The following CNTNAP2 variants were observed in gnomAD, a reference collection of about 807,000 sequenced individuals.
The protein encoded by CNTNAP2 is contactin-associated protein-like 2.
A neutral mutation model predicts 155.2 loss-of-function variants in CNTNAP2; 98 were observed. That is an observed-to-expected ratio of 0.63 (90% CI 0.54 to 0.75). CNTNAP2 has a LOEUF of 0.75. Among genes scored for constraint, CNTNAP2 ranks in the 30% least tolerant of loss-of-function variants. The probability of loss-of-function intolerance (pLI) is 0.00; values close to 1 mark genes in which losing one functional copy is unlikely to be tolerated. For synonymous variants in CNTNAP2, 651 were observed against 631.2 expected, an observed-to-expected ratio of 1.03 and a Z score of -0.47; for missense variants, 1,727 against 1,688.1, an observed-to-expected ratio of 1.02 and a Z score of -0.40.
chr7:147,312,168 T>A (rs1036110922), intron 9 of CNTNAP2, among the ~76,000 whole-genome samples: 4 of 152,116 alleles, frequency 2.6e-5, no homozygotes, highest in Admixed American at 6.6e-5. Context: ...TTTCTCTTTC[T>A]ACTTTGGGTT....
intron 1 of CNTNAP2, among the ~76,000 whole-genome samples, chr7:146,592,062 A>G (rs1798791053): frequency 6.6e-6 from 1 of 152,158 alleles, no homozygotes; most frequent in Non-Finnish European, 1.5e-5. Flanking sequence ...TCAGCTCCTG[A>G]GCCTAGGATG....
chr7:148,161,279 G>A (rs1003580322), intron 17 of CNTNAP2, among the ~76,000 whole-genome samples: 4 of 152,124 alleles, frequency 2.6e-5, no homozygotes, highest in African/African-American at 9.7e-5. Context: ...TGTCTTCAGC[G>A]CTGCTTCTTG....
chr7:147,445,904 C>G (rs1187766568), intron 10 of CNTNAP2, among the ~76,000 whole-genome samples: 1 of 151,970 alleles, frequency 6.6e-6, no homozygotes, highest in African/African-American at 2.4e-5. Flanking sequence ...AAGTGATCAT[C>G]CTGGCTCAGC....
intron 11 of CNTNAP2, among the ~76,000 whole-genome samples, chr7:147,493,472 A>G (rs1252723421): frequency 6.6e-6 from 1 of 152,160 alleles, no homozygotes; most frequent in Non-Finnish European, 1.5e-5. Flanking sequence ...ACAGGACACT[A>G]AGGACCCATA....
rs368123228 is a variant in CNTNAP2, at chr7:146,868,504, A to G, written c.402+28600A>G. On this transcript the variant is annotated intron_variant, in intron 3 of 23. Transcript: ENST00000361727. Reference sequence around the variant, plus strand: ...AGGATTGCCTTGGCTATGCGGGCTCATTTTGGTTCCGTATGAATTTTAAAA... The same window carrying G: ...AGGATTGCCTTGGCTATGCGGGCTCGTTTTGGTTCCGTATGAATTTTAAAA... Among the ~76,000 whole-genome samples the G allele has an allele frequency of 3.7e-4, 56 of 152,124 alleles. No individual in the cohort carries two copies. In the South Asian group the frequency reaches 9.8e-3, roughly 26 times the overall value.
At chr7:148,071,399 G>A (rs1309330325) in intron 15 of CNTNAP2, among the ~76,000 whole-genome samples, 1 of 152,138 alleles carries the variant, frequency 6.6e-6, no homozygotes, top group Non-Finnish European at 1.5e-5. Flanking sequence ...GGAATTGCTT[G>A]AACCAGGAGG....
chr7:146,960,042 G>A (rs187419282), intron 3 of CNTNAP2, among the ~76,000 whole-genome samples: 3 of 152,186 alleles, frequency 2.0e-5, no homozygotes, highest in Admixed American at 6.5e-5. Flanking sequence ...AAATGTTTTC[G>A]TGTCACCTGA....
At chr7:146,585,724 AAAG>A (rs1482882581) in intron 1 of CNTNAP2, among the ~76,000 whole-genome samples, 3 of 150,804 alleles carry the variant, frequency 2.0e-5, no homozygotes, top group Non-Finnish European at 4.4e-5. Flanking sequence ...GGAAGGAAAG[AAAG>A]AAGAAAGAAA....
intron 1 of CNTNAP2, among the ~76,000 whole-genome samples, chr7:146,701,284 G>A (rs1036774020): frequency 3.9e-5 from 6 of 152,036 alleles, no homozygotes; most frequent in Non-Finnish European, 7.4e-5. Flanking sequence ...ACCTCCAGAT[G>A]CCCCTCATCA....
intron 8 of CNTNAP2, among the ~76,000 whole-genome samples, chr7:147,269,973 A>C (rs1184963274): frequency 6.6e-6 from 1 of 152,164 alleles, no homozygotes; most frequent in Non-Finnish European, 1.5e-5. Context: ...GAGATGGAAG[A>C]ATAGCTTGAG....
intron 11 of CNTNAP2, among the ~76,000 whole-genome samples, chr7:147,536,546 T>A (rs534827852): frequency 6.6e-6 from 1 of 152,208 alleles, no homozygotes; most frequent in South Asian, 2.1e-4. Flanking sequence ...GACTTCTGTC[T>A]CCAAAATGCT....
intron 13 of CNTNAP2, among the ~76,000 whole-genome samples, chr7:147,720,850 T>G (rs1401609952): frequency 2.0e-5 from 3 of 152,032 alleles, no homozygotes; most frequent in Non-Finnish European, 4.4e-5. Context: ...TATAGCAGTA[T>G]GAAAAAAAGA....
chr7:147,837,723 G>A (rs977236034), intron 13 of CNTNAP2, among the ~76,000 whole-genome samples: 9 of 152,186 alleles, frequency 5.9e-5, no homozygotes, highest in African/African-American at 1.9e-4. Flanking sequence ...CCAGACTGAA[G>A]AAGCTAAAGG....
intron 13 of CNTNAP2, among the ~76,000 whole-genome samples, chr7:147,703,310 T>C (rs1220479510): frequency 6.6e-6 from 1 of 152,198 alleles, no homozygotes; most frequent in African/African-American, 2.4e-5. Flanking sequence ...ATTTCTGTGA[T>C]TATTTCCTTG....
chr7:147,170,629 C>T (rs1802208006), intron 8 of CNTNAP2, among the ~76,000 whole-genome samples: 1 of 152,116 alleles, frequency 6.6e-6, no homozygotes, highest in African/African-American at 2.4e-5. Flanking sequence ...ACCAGCTCAG[C>T]ACTCCTGAGC....
chr7:148,016,822 A>G (rs1802184867), intron 15 of CNTNAP2, among the ~76,000 whole-genome samples: 2 of 152,072 alleles, frequency 1.3e-5, no homozygotes, highest in Admixed American at 1.3e-4. Flanking sequence ...TTAATGGGAG[A>G]TTTCTAAGAC....
intron 1 of CNTNAP2, among the ~76,000 whole-genome samples, chr7:146,342,658 G>T (rs1382618287): frequency 3.3e-5 from 5 of 152,094 alleles, no homozygotes; most frequent in Non-Finnish European, 5.9e-5. Flanking sequence ...CACAGAATAA[G>T]GTGTATCTAT....
rs187574273 is a variant in CNTNAP2, at chr7:147,474,581, C to T, written c.1671-11354C>T. On this transcript the variant is annotated intron_variant, in intron 10 of 23. Coordinates refer to ENST00000361727, the MANE Select transcript of CNTNAP2 (RefSeq NM_014141.6). ...CTGGGGAACAAGAGTGAGATTTTGT[C>T]TGAAAAAAAAAACAAGAAAAACAAG... is the stretch of plus-strand genomic sequence containing the variant. Among the ~76,000 whole-genome samples, 48 of 150,626 alleles carry T rather than the reference C, an allele frequency of 3.2e-4. 1 individual carries two copies. The highest frequency in any genetic ancestry group is 1.2e-3 in the African/African-American group (48 of 40,940).
chr7:148,232,219 C>T (rs927318416), intron 20 of CNTNAP2, among the ~76,000 whole-genome samples: 1 of 152,216 alleles, frequency 6.6e-6, no homozygotes, highest in Non-Finnish European at 1.5e-5. Context: ...AGATGTAGTT[C>T]CTCCTTATGG....
Sources: gnomAD v4.1 joint callset for allele counts (sites outside exome capture counted in the v4.1 genomes callset) on GRCh38, gnomAD v4.1.1 for gene constraint, MANE v1.5 for transcripts, NCBI Gene and HGNC (gene_info 2026-07-23, HGNC 2026-07-21) for gene names.